The following MYO16 variants were observed in gnomAD, a reference collection of about 807,000 sequenced individuals.
MYO16 encodes the protein myosin XVI.
A neutral mutation model predicts 205.3 loss-of-function variants in MYO16; 94 were observed. The observed-to-expected ratio is 0.46, with a 90% CI of 0.39 to 0.54. The LOEUF is 0.54. Ranked by LOEUF, MYO16 falls within the 20% of genes least tolerant of loss-of-function variation. The pLI is 0.00. For missense variants in MYO16, 2,315 were observed against 2,387.5 expected (o/e 0.97, Z 0.63); for synonymous variants, 988 against 954.0 (o/e 1.04, Z -0.66).
intron 2 of MYO16, among the ~76,000 whole-genome samples, chr13:108,707,661 T>G (rs1295862177): frequency 6.6e-6 from 1 of 152,196 alleles, no homozygotes; most frequent in Non-Finnish European, 1.5e-5. Context: ...AATGGCAAAT[T>G]AATGGGAAAG....
chr13:109,061,640 A>C (rs1057396039), intron 27 of MYO16, among the ~76,000 whole-genome samples: 5 of 152,164 alleles, frequency 3.3e-5, no homozygotes, highest in Non-Finnish European at 7.4e-5. Flanking sequence ...GGCACGCCAA[A>C]ACAATTATAA....
At chr13:108,516,880 T>C in the MYO16 span, among the ~76,000 whole-genome samples, 1 of 150,092 alleles carries the variant, frequency 6.7e-6, no homozygotes, top group Admixed American at 6.6e-5. Context: ...ATTCTGTTAC[T>C]GGGATTTTGT....
chr13:109,117,523 A>G (rs1400440473), intron 28 of MYO16, among the ~76,000 whole-genome samples: 1 of 148,754 alleles, frequency 6.7e-6, no homozygotes, highest in African/African-American at 2.5e-5. Flanking sequence ...ATGTATATAT[A>G]TATACACACA....
chr13:109,192,548 A>G (rs1400536391), intron 34 of MYO16, among the ~76,000 whole-genome samples: 2 of 152,120 alleles, frequency 1.3e-5, no homozygotes, highest in Non-Finnish European at 2.9e-5. Context: ...AAGCTAAACT[A>G]TGTGTCCCAG....
Position 109,129,669 on chromosome 13 carries a change from G to A in MYO16, c.4051+2119G>A, listed in dbSNP as rs117491771. On this transcript the variant is annotated intron_variant, in intron 31 of 34. Coordinates refer to ENST00000457511, the MANE Select transcript of MYO16 (RefSeq NM_001198950.3). ...AGATGGTATCTAAAATGCTAAGACC[G>A]ATAAGATGGAGAGGGTACGAAATTA... 2.2e-4 allele frequency among the ~76,000 whole-genome samples: 33 copies of A among 152,220 alleles called. 1 individual carries two copies. The East Asian group carries it at 4.6e-3, about 21-fold the overall frequency.
In MYO16 at chr13:109,091,936, A is replaced by G. The variant is rs75351804; in HGVS notation, c.3336-8849A>G. ...GAAAACCGCATCTTTTCTGAGGTATAATTTTGGTCCAAAAAAGTCTTGCTT... is the reference window on the plus strand; with the variant it reads ...GAAAACCGCATCTTTTCTGAGGTATGATTTTGGTCCAAAAAAGTCTTGCTT... On this transcript the variant is annotated intron_variant, in intron 27 of 34. Coordinates refer to ENST00000457511, the MANE Select transcript of MYO16 (RefSeq NM_001198950.3). 8.0e-3 allele frequency among the ~76,000 whole-genome samples: 1,221 copies of G among 152,324 alleles called. 18 individuals carry two copies. The highest frequency in any genetic ancestry group is 0.028 in the African/African-American group (1,157 of 41,562).
At chr13:108,918,826 C>G (rs922522631) in intron 16 of MYO16, among the ~76,000 whole-genome samples, 16 of 152,054 alleles carry the variant, frequency 1.1e-4, no homozygotes, top group African/African-American at 2.9e-4. Flanking sequence ...GCAGTCCCAG[C>G]TACTTGGGAG....
At chr13:109,144,026 C>T (rs1304874901) in intron 32 of MYO16, among the ~76,000 whole-genome samples, 2 of 143,822 alleles carry the variant, frequency 1.4e-5, no homozygotes, top group East Asian at 2.1e-4. Flanking sequence ...TATAATAATT[C>T]TTTTTTTTTT....
rs569572889 is a variant in MYO16, at chr13:108,898,409, G to A, written c.1777+276G>A. On this transcript the variant is annotated intron_variant, in intron 15 of 34. Transcript: ENST00000457511. ...GTGTGTATACATACCTAGGATGTCA[G>A]GTGATAAGTGCTGAAGTTATTGTGA... Among the ~76,000 whole-genome samples, 9 of 140,362 alleles carry A rather than the reference G, an allele frequency of 6.4e-5. No homozygotes were observed. In the South Asian group the frequency reaches 1.3e-3, roughly 20 times the overall value. The allele number at this position is 140,362 out of a possible 152,430, so 92.1% of individuals were successfully genotyped here. A position where few individuals can be genotyped will look rare whatever the true frequency, so the allele number is the denominator to read the frequency against.
rs78467800 is a variant in MYO16, at chr13:108,691,693, G to A, written c.293-20968G>A. On this transcript the variant is annotated intron_variant, in intron 2 of 34. Coordinates refer to ENST00000457511, the MANE Select transcript of MYO16 (RefSeq NM_001198950.3). ...GATTTGTAAAATAAGGATTCACTTC[G>A]TCTGAATTCAAGGGGATACAGGATG... Among the ~76,000 whole-genome samples the A allele has an allele frequency of 1.6e-3, 245 of 152,162 alleles. 2 individuals are homozygous for A. The highest frequency in any genetic ancestry group is 6.8e-3 in the Middle Eastern group (2 of 294).
intron 20 of MYO16, among the ~76,000 whole-genome samples, chr13:108,980,148 A>T (rs1038598596): frequency 4.6e-5 from 7 of 152,166 alleles, no homozygotes; most frequent in Admixed American, 1.3e-4. Flanking sequence ...TTAATGACTA[A>T]TATGTTATTA....
chr13:108,597,458 A>G (rs1346899750), intron 1 of MYO16, among the ~76,000 whole-genome samples: 1 of 152,064 alleles, frequency 6.6e-6, no homozygotes, highest in African/African-American at 2.4e-5. Flanking sequence ...GCTATTATGG[A>G]TAGGGATTCA....
chr13:109,140,422 G>C lies in MYO16; in HGVS notation c.4210G>C (p.Ala1404Pro), dbSNP rs750982673. ...GDARPAGAPG[A>P]AARVLTPGTP... is the part of the protein sequence containing the mutation. Reference sequence around the variant, plus strand: ...CGCGAGGCCCGCGGGCGCCCCGGGGGCAGCAGCGCGCGTTCTGACCCCCGG... The same window carrying C: ...CGCGAGGCCCGCGGGCGCCCCGGGGCCAGCAGCGCGCGTTCTGACCCCCGG... The change falls in exon 32 of 35, where the codon GCA (alanine) becomes CCA (proline). Residue 1404 changes from alanine (A) to proline (P), a missense_variant. Ala to Pro is a conservative substitution (Grantham distance 27, BLOSUM62 -1). This residue lies in a region of MYO16 where 1,097 missense variants were observed against 1,092.0 expected (regional missense o/e 1.00). Transcript: ENST00000457511. The surrounding 1 kb of genome is among the most constrained non-coding windows in gnomAD (Gnocchi z 8.0). The C allele has an allele frequency of 6.4e-7, 1 of 1,567,740 alleles. No homozygotes were observed. Among genetic ancestry groups the C allele is most frequent in the Non-Finnish European group, 8.6e-7 (1 of 1,163,596 alleles).
At position 108,835,528 on chromosome 13, in the gene MYO16, G is replaced by A. The variant is rs544069011; in HGVS notation, c.1098-8815G>A. Among the ~76,000 whole-genome samples, 8 of 152,266 alleles carry A rather than the reference G, an allele frequency of 5.3e-5. No homozygotes were observed. In the South Asian group the frequency reaches 1.7e-3, roughly 32 times the overall value. On this transcript the variant is annotated intron_variant, in intron 9 of 34. Transcript: ENST00000457511. ...GGTGCTGCTGTAAAGATTCCCAAAA[G>A]TGTGTAAGCAACTTTGTAACCGGGT...
intron 1 of MYO16, among the ~76,000 whole-genome samples, chr13:108,660,593 C>A (rs928726579): frequency 1.1e-4 from 16 of 152,142 alleles, no homozygotes; most frequent in Admixed American, 5.9e-4. Flanking sequence ...AGAATAGCCA[C>A]CCCTGCTTCC....
At chr13:108,888,822 A>C (rs959121561) in intron 14 of MYO16, among the ~76,000 whole-genome samples, 2 of 152,080 alleles carry the variant, frequency 1.3e-5, no homozygotes, top group African/African-American at 4.8e-5. Context: ...TGGGAGGCCG[A>C]GGCATGTGAA....
chr13:108,983,300 G>A (rs545110043), intron 20 of MYO16, among the ~76,000 whole-genome samples: 11 of 152,160 alleles, frequency 7.2e-5, no homozygotes, highest in Non-Finnish European at 1.2e-4. Flanking sequence ...TGAATCTCAC[G>A]TGAGAACCGT....
At chr13:109,040,646 T>C (rs562332392) in intron 23 of MYO16, among the ~76,000 whole-genome samples, 24 of 152,170 alleles carry the variant, frequency 1.6e-4, no homozygotes, top group African/African-American at 5.5e-4. Flanking sequence ...GAAAAAGCAT[T>C]TGATAAAATT....
chr13:108,649,088 G>C (rs577425985), intron 1 of MYO16, among the ~76,000 whole-genome samples: 1 of 148,632 alleles, frequency 6.7e-6, no homozygotes, highest in Non-Finnish European at 1.5e-5. Context: ...ATGGGGGGAG[G>C]GGGGAGGGAT....
Sources: allele counts gnomAD v4.1 joint callset (sites outside exome capture counted in the v4.1 genomes callset), GRCh38; gene constraint gnomAD v4.1.1; regional missense constraint gnomAD v4.1.1; non-coding constraint Gnocchi (gnomAD v3.1); transcripts MANE v1.5; gene names NCBI Gene and HGNC (gene_info 2026-07-23, HGNC 2026-07-21).